The following RCN2 variants were observed in gnomAD, a reference collection of about 807,000 sequenced individuals.
The protein encoded by RCN2 is reticulocalbin-2.
A neutral mutation model predicts 37.5 loss-of-function variants in RCN2; 23 were observed. The observed-to-expected ratio is 0.61, with a 90% confidence interval of 0.44 to 0.87. RCN2 has a LOEUF of 0.87. Among genes scored for constraint, RCN2 ranks in the 40% least tolerant of loss-of-function variants. The pLI, the probability that RCN2 is intolerant of heterozygous loss-of-function variation, is 0.00. For missense variants in RCN2, 381 were observed against 390.4 expected (o/e 0.98, Z 0.20); for synonymous variants, 140 against 144.6 (o/e 0.97, Z 0.23).
chr15:76,947,576 C>T, intron 5 of RCN2, 59 bp downstream of exon 5: 1 of 1,066,990 alleles, frequency 9.4e-7, no homozygotes, highest in African/African-American at 1.6e-5. Context: ...CATTGAAAGA[C>T]AGCCTTGCTC....
rs117461637 is a variant in RCN2 at position 76,945,639 on chromosome 15, T to C, written c.561+1768T>C. Among the ~76,000 whole-genome samples the C allele has an allele frequency of 4.7e-3, 713 of 152,330 alleles. 26 individuals carry two copies. The highest frequency in any genetic ancestry group is 0.039 in the Admixed American group (593 of 15,300). ...TTAAAAAAGAGACTAAACATTTATA[T>C]TGAAGTCTGTTGCATGACATCAGCC... is the stretch of plus-strand genomic sequence containing the variant. On this transcript the variant is annotated intron_variant, in intron 4 of 6. Coordinates refer to ENST00000394885, the MANE Select transcript of RCN2 (RefSeq NM_002902.3).
At chr15:76,942,666 G>C (rs543034197) in intron 3 of RCN2, 68 of 152,366 alleles carry the variant, frequency 4.5e-4, no homozygotes, top group African/African-American at 1.6e-3. Flanking sequence ...TCCAGGCTGA[G>C]CACGGTGACT....
In RCN2 at chr15:76,953,804, T is replaced by C. The variant is rs2075336509; in HGVS notation, c.*4582T>C. 3 of 17,280 alleles carry C rather than the reference T, an allele frequency of 1.7e-4. No individual in the cohort carries two copies. In the East Asian group the frequency reaches 0.19, roughly 1,080 times the overall value. The allele number at this position is 17,280 out of a possible 1,614,324, so 1.1% of individuals were successfully genotyped here. A position where few individuals can be genotyped will look rare whatever the true frequency, so the allele number is the denominator to read the frequency against. Reference sequence around the variant, plus strand: ...TTGTATTTTTAGTAGAGACGGGGTTTCACCGTGTTAGCCAGGATGGTCTTG... The same window carrying C: ...TTGTATTTTTAGTAGAGACGGGGTTCCACCGTGTTAGCCAGGATGGTCTTG... On this transcript the variant is annotated 3_prime_UTR_variant, in exon 7 of 7. Transcript: ENST00000394885.
At position 76,943,875 on chromosome 15, in the gene RCN2, AG is replaced by A; in HGVS notation, c.561+5del. 1.3e-6 allele frequency: 2 copies of A among 1,499,210 alleles called. No individual in the cohort carries two copies. Among genetic ancestry groups the A allele is most frequent in the Non-Finnish European group, 1.8e-6 (2 of 1,086,150 alleles). The allele number at this position is 1,499,210 out of a possible 1,614,324, so 92.9% of individuals were successfully genotyped here. On this transcript the variant is annotated splice_donor_5th_base_variant and intron_variant, in intron 4 of 6. Transcript: ENST00000394885. ...TGAAGAAGTTGATTATATGACGGTA[AG>A]AAAGAAACATTTTTAAGAGAATTAT...
chr15:76,937,015 T>A (rs1213733132), intron 3 of RCN2, among the ~76,000 whole-genome samples: 1 of 152,232 alleles, frequency 6.6e-6, no homozygotes, highest in East Asian at 1.9e-4. Flanking sequence ...AGGTACCTCA[T>A]CTAAGTAGAA....
intron 6 of RCN2, 153 bp from the exon 7 acceptor site, chr15:76,948,917 G>C: frequency 1.4e-6 from 1 of 706,026 alleles, no homozygotes; most frequent in South Asian, 2.1e-5. Flanking sequence ...AGCAGTAGAC[G>C]GACCTGGTTA....
chr15:76,932,793 A>G (rs985717340), intron 2 of RCN2, among the ~76,000 whole-genome samples: 2 of 152,236 alleles, frequency 1.3e-5, no homozygotes, highest in African/African-American at 4.8e-5. Flanking sequence ...ACTTTAAGGC[A>G]GTAAATGATT....
chr15:76,933,053 A>T (rs2075231366), intron 2 of RCN2, among the ~76,000 whole-genome samples: 1 of 152,136 alleles, frequency 6.6e-6, no homozygotes, highest in Non-Finnish European at 1.5e-5. Flanking sequence ...CCTGCTCTTA[A>T]TTCAGGTTTT....
intron 4 of RCN2, 42 bp from the exon 5 acceptor site, chr15:76,947,379 T>G: frequency 1.5e-6 from 2 of 1,323,216 alleles, no homozygotes; most frequent in Non-Finnish European, 2.1e-6. Flanking sequence ...GGACTGAACA[T>G]TTTGTAACTT....
intron 3 of RCN2, among the ~76,000 whole-genome samples, chr15:76,941,019 A>G (rs1252574379): frequency 6.6e-6 from 1 of 151,750 alleles, no homozygotes. Flanking sequence ...CAAAAGTTCA[A>G]GTGTTCTTTG....
intron 3 of RCN2, chr15:76,941,554 A>G (rs1336936779): frequency 1.4e-6 from 1 of 689,790 alleles, no homozygotes; most frequent in South Asian, 2.5e-5. Context: ...ACCCTCTACT[A>G]GAATACAAAG....
intron 3 of RCN2, chr15:76,941,760 C>CTTTT: frequency 3.4e-6 from 2 of 581,454 alleles, no homozygotes; most frequent in Non-Finnish European, 5.3e-6. Flanking sequence ...ACCCCCTTCA[C>CTTTT]TTTTTTTTTT....
chr15:76,953,593 ATTTTTTTTTTTTT>A lies in RCN2; in HGVS notation c.*4391_*4403del, dbSNP rs71143379. 3 of 9,834 alleles carry A rather than the reference ATTTTTTTTTTTTT, an allele frequency of 3.1e-4. No individual in the cohort carries two copies. The highest frequency in any genetic ancestry group is 1.0e-3 in the African/African-American group (3 of 2,976). The allele number at this position is 9,834 out of a possible 1,614,324, so 0.6% of individuals were successfully genotyped here. The stretch of plus-strand genomic sequence containing the variant: ...TATATATATATATATATATATATAT[ATTTTTTTTTTTTT>A]TTTTTTTTTTTTTTTTTTTGAGACG... On this transcript the variant is annotated 3_prime_UTR_variant, in exon 7 of 7. Transcript: ENST00000394885.
chr15:76,942,228 C>T (rs1265770773), intron 3 of RCN2: 2 of 152,152 alleles, frequency 1.3e-5, no homozygotes, highest in Non-Finnish European at 2.9e-5. Context: ...ATGACTGCTA[C>T]CTGACCTCTA....
intron 3 of RCN2, chr15:76,943,414 C>T (rs1308034853): frequency 1.1e-5 from 2 of 176,086 alleles, no homozygotes; most frequent in Non-Finnish European, 2.4e-5. Context: ...ACACTAAATA[C>T]TTAAGGTTTA....
rs1568463459 is a variant in RCN2, at chr15:76,953,572, TATATATATATATA to T, written c.*4351_*4363del. On this transcript the variant is annotated 3_prime_UTR_variant, in exon 7 of 7. Transcript: ENST00000394885. ...TAGTAATTCTATATATATATATATATATATATATATATATATATATATTTTTTTTTTTTTTTTT... is the reference window on the plus strand; with the variant it reads ...TAGTAATTCTATATATATATATATATTATATATATTTTTTTTTTTTTTTTT... 1.6e-4 allele frequency: 3 copies of T among 18,264 alleles called. No individual in the cohort carries two copies. The highest frequency in any genetic ancestry group is 3.5e-4 in the Non-Finnish European group (3 of 8,634). 1.1% of individuals were successfully genotyped at this position (18,264 alleles called of 1,614,324 possible).
At chr15:76,939,172 G>A (rs551487702) in intron 3 of RCN2, among the ~76,000 whole-genome samples, 7 of 151,868 alleles carry the variant, frequency 4.6e-5, no homozygotes, top group Admixed American at 2.6e-4. Context: ...TCAAGGCTGC[G>A]GTGAGCCATA....
chr15:76,934,769 C>CT (rs1046813137), intron 2 of RCN2, among the ~76,000 whole-genome samples: 11 of 152,084 alleles, frequency 7.2e-5, no homozygotes, highest in African/African-American at 2.7e-4. Context: ...ATAAAAAACA[C>CT]TGTTTTTTCT....
At position 76,952,206 on chromosome 15, in the gene RCN2, A is replaced by T. The variant is rs1255248957; in HGVS notation, c.*2984A>T. 1.3e-5 allele frequency: 2 copies of T among 152,178 alleles called. No homozygotes were observed. Among genetic ancestry groups the T allele is most frequent in the Non-Finnish European group, 2.9e-5 (2 of 68,046 alleles). The allele number at this position is 152,178 out of a possible 1,614,324, so 9.4% of individuals were successfully genotyped here. Reference sequence around the variant, plus strand: ...TGTTAAAATCGATGAAACTGTTAACATATCATTGTCACCCAAAGTGCATAG... The same window carrying T: ...TGTTAAAATCGATGAAACTGTTAACTTATCATTGTCACCCAAAGTGCATAG... On this transcript the variant is annotated 3_prime_UTR_variant, in exon 7 of 7. Coordinates refer to ENST00000394885, the MANE Select transcript of RCN2 (RefSeq NM_002902.3).
Sources: allele counts gnomAD v4.1 joint callset (sites outside exome capture counted in the v4.1 genomes callset), GRCh38; gene constraint gnomAD v4.1.1; transcripts MANE v1.5; gene names NCBI Gene and HGNC (gene_info 2026-07-23, HGNC 2026-07-21).